The following CD38 variants were observed in gnomAD, a reference collection of about 807,000 sequenced individuals.
CD38 encodes the protein CD38 molecule, also known as ADP-ribosyl cyclase/cyclic ADP-ribose hydrolase 1.
In CD38, 31 loss-of-function variants were observed where a neutral mutation model predicts 36.3. That is an observed-to-expected ratio of 0.85 (90% confidence interval 0.64 to 1.15). The LOEUF is 1.15. Among genes scored for constraint, CD38 ranks in the 50% most tolerant of loss-of-function variants. CD38 has a pLI of 0.00. For missense variants in CD38, 380 were observed against 371.9 expected, an observed-to-expected ratio of 1.02 and a Z score of -0.18; for synonymous variants, 131 against 135.2, an observed-to-expected ratio of 0.97 and a Z score of 0.22.
At chr4:15,797,953 G>A (rs1723136344) in intron 1 of CD38, among the ~76,000 whole-genome samples, 1 of 152,090 alleles carries the variant, frequency 6.6e-6, no homozygotes, top group South Asian at 2.1e-4. Flanking sequence ...TTTCAACATC[G>A]TTTGGGGGGG....
intron 2 of CD38, among the ~76,000 whole-genome samples, chr4:15,818,021 A>G (rs1464818901): frequency 6.6e-6 from 1 of 152,040 alleles, no homozygotes; most frequent in Non-Finnish European, 1.5e-5. Flanking sequence ...ACTCCCCTGG[A>G]AAGGGGGCTG....
rs1031934733 is a variant in CD38, at chr4:15,849,575, G to T, written c.*973G>T. ...CAGTGTTTTATATATGTAGTATACA[G>T]TTAAAATATACTTGTTGCTGGTACT... On this transcript the variant is annotated 3_prime_UTR_variant, in exon 8 of 8. Coordinates refer to ENST00000226279, the MANE Select transcript of CD38 (RefSeq NM_001775.4). 6.6e-6 allele frequency: 1 copy of T among 152,168 alleles called. No individual in the cohort carries two copies. The highest frequency in any genetic ancestry group is 2.4e-5 in the African/African-American group (1 of 41,426). The allele number at this position is 152,168 out of a possible 1,614,324, so 9.4% of individuals were successfully genotyped here. A position where few individuals can be genotyped will look rare whatever the true frequency, so the allele number is the denominator to read the frequency against.
At chr4:15,837,425 A>G (rs1213773183) in intron 4 of CD38, among the ~76,000 whole-genome samples, 1 of 152,094 alleles carries the variant, frequency 6.6e-6, no homozygotes, top group Non-Finnish European at 1.5e-5. Context: ...GAGGGAATGT[A>G]AGATGCTGTC....
intron 1 of CD38, among the ~76,000 whole-genome samples, chr4:15,815,647 C>T (rs544959477): frequency 2.0e-5 from 3 of 152,214 alleles, no homozygotes; most frequent in African/African-American, 7.2e-5. Flanking sequence ...TGCTTATCAG[C>T]TTAAGGAGGT....
rs1252895728 is a variant in CD38, at chr4:15,778,678, C to T, written c.233+31C>T. The T allele has an allele frequency of 6.7e-7, 1 of 1,484,400 alleles. No individual in the cohort carries two copies. The highest frequency in any genetic ancestry group is 1.7e-5 in the Admixed American group (1 of 59,058). 92.0% of individuals were successfully genotyped at this position (1,484,400 alleles called of 1,614,324 possible). On this transcript the variant is annotated intron_variant, in intron 1 of 7. Transcript: ENST00000226279. This position sits in a 1 kb window ranked among gnomAD's most constrained non-coding sequence, Gnocchi z 4.9. ...TTGGCGACTAAGGCGCACCGGTGGG[C>T]ACTGCGGGGACAGCAGGGCCCCGCG...
intron 3 of CD38, among the ~76,000 whole-genome samples, chr4:15,831,827 T>C (rs1260911032): frequency 1.3e-5 from 2 of 152,210 alleles, no homozygotes; most frequent in African/African-American, 4.8e-5. Flanking sequence ...TTGATATCTT[T>C]CTCTAGGTTT....
chr4:15,823,652 G>C (rs1182816071), intron 2 of CD38, among the ~76,000 whole-genome samples: 3 of 152,158 alleles, frequency 2.0e-5, no homozygotes, highest in Non-Finnish European at 4.4e-5. Context: ...TTATTAAAAA[G>C]TCAAGAAACA....
At chr4:15,800,322 A>G (rs1049236384) in intron 1 of CD38, among the ~76,000 whole-genome samples, 9 of 152,206 alleles carry the variant, frequency 5.9e-5, no homozygotes, top group Admixed American at 5.9e-4. Flanking sequence ...AACACCCAGA[A>G]ATAGAATAGC....
intron 1 of CD38, among the ~76,000 whole-genome samples, chr4:15,798,225 A>G (rs1723142988): frequency 6.6e-6 from 1 of 152,188 alleles, no homozygotes. Flanking sequence ...ACACATAACA[A>G]GACATCCAGA....
At chr4:15,792,560 C>A (rs1175280626) in intron 1 of CD38, among the ~76,000 whole-genome samples, 4 of 151,142 alleles carry the variant, frequency 2.6e-5, no homozygotes, top group Non-Finnish European at 5.9e-5. Flanking sequence ...GCTAATAATA[C>A]AATTAACCCC....
rs111352479 is a variant in CD38, at chr4:15,837,949, T to C, written c.586-143T>C. On this transcript the variant is annotated intron_variant, in intron 4 of 7. Transcript: ENST00000226279. ...TCCGTCCAGTGGCTTGGAATAAAAA[T>C]TGTGTAGACCTGACATTCCTGGGCT... is the stretch of plus-strand genomic sequence containing the variant. 1,007 of 646,308 alleles carry C rather than the reference T, an allele frequency of 1.6e-3. 14 individuals carry two copies. The African/African-American group carries it at 0.016, about 10-fold the overall frequency. The allele number at this position is 646,308 out of a possible 1,614,324, so 40.0% of individuals were successfully genotyped here.
At chr4:15,826,748 A>G (rs1332160783) in intron 3 of CD38, among the ~76,000 whole-genome samples, 1 of 147,110 alleles carries the variant, frequency 6.8e-6, no homozygotes, top group Non-Finnish European at 1.5e-5. Context: ...TCTATTTTAC[A>G]CTAAAAAAAG....
intron 1 of CD38, among the ~76,000 whole-genome samples, chr4:15,783,026 G>A (rs1393155532): frequency 1.3e-5 from 2 of 152,166 alleles, no homozygotes; most frequent in Admixed American, 1.3e-4. Context: ...TGAACCAGGG[G>A]CATTACATGC....
At chr4:15,814,313 T>G (rs1560313535) in intron 1 of CD38, among the ~76,000 whole-genome samples, 1 of 152,232 alleles carries the variant, frequency 6.6e-6, no homozygotes, top group Non-Finnish European at 1.5e-5. Context: ...CTTGTAAATT[T>G]GTTTAAGTTG....
At chr4:15,831,850 G>A (rs1723966553) in intron 3 of CD38, among the ~76,000 whole-genome samples, 1 of 152,076 alleles carries the variant, frequency 6.6e-6, no homozygotes, top group African/African-American at 2.4e-5. Flanking sequence ...AAAGTTCTCT[G>A]TTATTATTGC....
At chr4:15,816,865 G>A (rs1286953665) in intron 2 of CD38, 4 of 486,790 alleles carry the variant, frequency 8.2e-6, no homozygotes, top group African/African-American at 5.9e-5. Context: ...GGGATACAGA[G>A]ATAGGAAAGG....
At chr4:15,823,576 C>T (rs1247966468) in intron 2 of CD38, among the ~76,000 whole-genome samples, 1 of 152,148 alleles carries the variant, frequency 6.6e-6, no homozygotes, top group Non-Finnish European at 1.5e-5. Flanking sequence ...TGAAAAAAAG[C>T]TCAACATCAC....
chr4:15,836,640 A>AC (rs1267335141), intron 4 of CD38, among the ~76,000 whole-genome samples: 2 of 152,208 alleles, frequency 1.3e-5, no homozygotes, highest in South Asian at 4.1e-4. Flanking sequence ...TAAGAGCCTA[A>AC]CCTAGGCCTC....
At chr4:15,792,437 T>TAAAAA (rs1723022369) in intron 1 of CD38, among the ~76,000 whole-genome samples, 1 of 134,958 alleles carries the variant, frequency 7.4e-6, no homozygotes, top group Non-Finnish European at 1.6e-5. Context: ...TAAAATAAAA[T>TAAAAA]AAAAAAAAGG....
Sources: allele counts gnomAD v4.1 joint callset (sites outside exome capture counted in the v4.1 genomes callset), GRCh38; gene constraint gnomAD v4.1.1; non-coding constraint Gnocchi (gnomAD v3.1); transcripts MANE v1.5; gene names NCBI Gene and HGNC (gene_info 2026-07-23, HGNC 2026-07-21).